ARHGEF28: variants seen among roughly 807,000 people sequenced by gnomAD.
The protein encoded by ARHGEF28 is Rho guanine nucleotide exchange factor 28.
In ARHGEF28, 152 loss-of-function variants were observed where a neutral mutation model predicts 206.6. The observed-to-expected ratio is 0.74, with a 90% confidence interval of 0.64 to 0.84. The LOEUF (loss-of-function observed/expected upper bound fraction) is 0.84. Ranked by LOEUF, ARHGEF28 falls within the 40% of genes least tolerant of loss-of-function variation. The pLI, the probability that ARHGEF28 is intolerant of heterozygous loss-of-function variation, is 0.00. For missense variants in ARHGEF28, 2,028 were observed against 2,073.2 expected, an observed-to-expected ratio of 0.98 and a Z score of 0.42; for synonymous variants, 763 against 776.4, an observed-to-expected ratio of 0.98 and a Z score of 0.29.
At chr5:73,712,683 C>A (rs1749322175) in intron 2 of ARHGEF28, among the ~76,000 whole-genome samples, 1 of 152,182 alleles carries the variant, frequency 6.6e-6, no homozygotes, top group African/African-American at 2.4e-5. Flanking sequence ...GTTCAGTGAA[C>A]TTTTCCCTCG....
At chr5:73,646,970 G>A (rs1024860361) in intron 1 of ARHGEF28, among the ~76,000 whole-genome samples, 10 of 152,114 alleles carry the variant, frequency 6.6e-5, no homozygotes, top group African/African-American at 9.7e-5. Flanking sequence ...ACTTGTCTGC[G>A]TCTTGCCAGT....
chr5:73,885,690 G>C (rs921643853), intron 24 of ARHGEF28, among the ~76,000 whole-genome samples, 160 bp from the exon 25 acceptor site: 1 of 151,828 alleles, frequency 6.6e-6, no homozygotes, highest in Non-Finnish European at 1.5e-5. Flanking sequence ...ATGTTGCCCA[G>C]GCTAGGAATT....
chr5:73,917,179 A>G (rs1763258670), intron 35 of ARHGEF28, among the ~76,000 whole-genome samples: 1 of 152,224 alleles, frequency 6.6e-6, no homozygotes. Flanking sequence ...GATTGATTAA[A>G]TGAAAACAAA....
intron 2 of ARHGEF28, among the ~76,000 whole-genome samples, chr5:73,738,574 T>G (rs1308928990): frequency 1.3e-5 from 2 of 151,760 alleles, no homozygotes; most frequent in Non-Finnish European, 2.9e-5. Context: ...GGAAGGAATA[T>G]TCTCGCACGG....
chr5:73,870,285 A>G (rs1342473890), intron 21 of ARHGEF28, 76 bp downstream of exon 21: 4 of 1,473,110 alleles, frequency 2.7e-6, no homozygotes, highest in Admixed American at 5.0e-5. Context: ...GCAACTGTGC[A>G]GAGTTGGGTA....
In ARHGEF28 at chr5:73,937,852, A is replaced by G. The variant is rs111557123; in HGVS notation, c.4949-2992A>G. On this transcript the variant is annotated intron_variant, in intron 35 of 35. Transcript: ENST00000513042. ...GGTGGCTGGCCTTGAGAAATATACA[A>G]TTGCTGTGCTGGTTCTTTCAGAGTT... 8.4e-3 allele frequency among the ~76,000 whole-genome samples: 1,274 copies of G among 152,250 alleles called. 10 individuals carry two copies. The highest frequency in any genetic ancestry group is 0.029 in the African/African-American group (1,204 of 41,530).
chr5:73,834,481 A>T (rs558339501), intron 10 of ARHGEF28, among the ~76,000 whole-genome samples: 99 of 151,944 alleles, frequency 6.5e-4, no homozygotes, highest in African/African-American at 2.2e-3. Context: ...TGTCTTCCAG[A>T]TTCATCCATG....
chr5:73,904,505 A>G, intron 33 of ARHGEF28, 100 bp downstream of exon 33: 2 of 1,275,916 alleles, frequency 1.6e-6, no homozygotes, highest in African/African-American at 3.0e-5. Context: ...AGTGAGAGGT[A>G]GGGAATGATC....
intron 22 of ARHGEF28, among the ~76,000 whole-genome samples, chr5:73,873,485 G>A (rs1250658835): frequency 6.6e-6 from 1 of 152,018 alleles, no homozygotes; most frequent in Non-Finnish European, 1.5e-5. Flanking sequence ...TTTATTGAAT[G>A]AATGGGCCAC....
chr5:73,780,496 T>C (rs1423367253), intron 6 of ARHGEF28, 180 bp from the exon 7 acceptor site: 4 of 595,452 alleles, frequency 6.7e-6, no homozygotes, highest in Non-Finnish European at 1.2e-5. Flanking sequence ...CTCCTGACTT[T>C]GCTCGCCCTC....
chr5:73,772,727 C>A (rs1753297110), intron 4 of ARHGEF28, among the ~76,000 whole-genome samples: 1 of 152,032 alleles, frequency 6.6e-6, no homozygotes, highest in Admixed American at 6.6e-5. Flanking sequence ...GCATGTTGGA[C>A]AGGAAAGGAG....
rs757476900 is a variant in ARHGEF28 at position 73,865,962 on chromosome 5, C to T, written c.2104-3C>T. 5.0e-6 allele frequency: 8 copies of T among 1,587,530 alleles called. No homozygotes were observed. The African/African-American group carries it at 8.1e-5, about 16-fold the overall frequency. Reference sequence around the variant, plus strand: ...TTTATGTGTTTCTAATATTCTTTACCAGAAATTCCAAGAGAAATATAACAA... The same window carrying T: ...TTTATGTGTTTCTAATATTCTTTACTAGAAATTCCAAGAGAAATATAACAA... On this transcript the variant is annotated splice_region_variant and splice_polypyrimidine_tract_variant and intron_variant, in intron 17 of 35. Transcript: ENST00000513042.
intron 1 of ARHGEF28, among the ~76,000 whole-genome samples, chr5:73,660,382 C>T (rs1745515555): frequency 6.6e-6 from 1 of 152,298 alleles, no homozygotes; most frequent in South Asian, 2.1e-4. Context: ...ATTTCCTTCA[C>T]TGAAGCCTTG....
At chr5:73,777,102 A>G (rs1297402981) in intron 6 of ARHGEF28, among the ~76,000 whole-genome samples, 1 of 152,186 alleles carries the variant, frequency 6.6e-6, no homozygotes, top group South Asian at 2.1e-4. Context: ...TACAGAATCC[A>G]GTACAGATTC....
At chr5:73,879,895 A>C (rs1472934722) in intron 22 of ARHGEF28, among the ~76,000 whole-genome samples, 3 of 152,144 alleles carry the variant, frequency 2.0e-5, no homozygotes, top group South Asian at 4.1e-4. Context: ...CCACTTGAGG[A>C]GGCAGTCTGC....
At chr5:73,715,993 T>TA (rs1749562357) in intron 2 of ARHGEF28, among the ~76,000 whole-genome samples, 1 of 152,232 alleles carries the variant, frequency 6.6e-6, no homozygotes, top group Non-Finnish European at 1.5e-5. Context: ...GATGAGGCGT[T>TA]ATCAGTTTAA....
chr5:73,894,547 C>T lies in ARHGEF28; in HGVS notation c.3813C>T (p.Ala1271=). 1 of 1,613,870 alleles carries T rather than the reference C, an allele frequency of 6.2e-7. No homozygotes were observed. The change falls in exon 29 of 36, where the codon GCC becomes GCT. Residue 1271 remains alanine, a synonymous_variant. Transcript: ENST00000513042. ...KPDPGEPPQA[A]SLLAAALKEA... Reference sequence around the variant, plus strand: ...ACCCAGGCGAGCCTCCCCAGGCAGCCTCATTACTGGCAGCAGCACTGAAAG... The same window carrying T: ...ACCCAGGCGAGCCTCCCCAGGCAGCTTCATTACTGGCAGCAGCACTGAAAG...
intron 2 of ARHGEF28, among the ~76,000 whole-genome samples, chr5:73,733,146 A>G (rs1750712801): frequency 6.6e-6 from 1 of 152,066 alleles, no homozygotes; most frequent in African/African-American, 2.4e-5. Context: ...CCTGCCTCTC[A>G]CCCTTTCCCA....
chr5:73,895,043 C>T (rs928724642), intron 29 of ARHGEF28, among the ~76,000 whole-genome samples: 10 of 152,014 alleles, frequency 6.6e-5, no homozygotes, highest in Non-Finnish European at 1.0e-4. Flanking sequence ...GCAGTGCAGG[C>T]GATGAGTCCA....
Sources: allele counts gnomAD v4.1 joint callset (sites outside exome capture counted in the v4.1 genomes callset), GRCh38; gene constraint gnomAD v4.1.1; transcripts MANE v1.5; gene names NCBI Gene and HGNC (gene_info 2026-07-23, HGNC 2026-07-21).